Variants in STIM1 observed in about 807,000 individuals in gnomAD.
The protein encoded by STIM1 is stromal interaction molecule 1.
In STIM1, 25 loss-of-function variants were observed where a neutral mutation model predicts 74.7. The observed-to-expected ratio is 0.33, with a 90% CI of 0.24 to 0.47. STIM1 has a LOEUF of 0.47. Among genes scored for constraint, STIM1 ranks in the 20% least tolerant of loss-of-function variants. The pLI, the probability that STIM1 is intolerant of heterozygous loss-of-function variation, is 1.00. For missense variants in STIM1, 728 were observed against 920.8 expected (o/e 0.79, Z 2.71); for synonymous variants, 328 against 348.8 (o/e 0.94, Z 0.66).
At chr11:3,979,607 G>A (rs1395651420) in intron 2 of STIM1, among the ~76,000 whole-genome samples, 1 of 151,990 alleles carries the variant, frequency 6.6e-6, no homozygotes, top group African/African-American at 2.4e-5. Context: ...CACCACACTA[G>A]GCTAACTATT....
intron 3 of STIM1, among the ~76,000 whole-genome samples, chr11:4,042,800 A>G (rs1332908062): frequency 6.6e-6 from 1 of 151,990 alleles, no homozygotes; most frequent in Admixed American, 6.6e-5. Context: ...CTTAATATCT[A>G]CCCCTTTTTG....
intron 2 of STIM1, among the ~76,000 whole-genome samples, chr11:3,984,739 G>A (rs145073164): frequency 1.3e-3 from 198 of 152,294 alleles, no homozygotes; most frequent in African/African-American, 4.1e-3. Flanking sequence ...ACCTTGCAAT[G>A]TACTAAATAT....
intron 1 of STIM1, among the ~76,000 whole-genome samples, chr11:3,958,458 C>G (rs1376486858): frequency 1.3e-5 from 2 of 152,204 alleles, no homozygotes; most frequent in Non-Finnish European, 2.9e-5. Flanking sequence ...AATTCCTGCC[C>G]CCTGCTGAGA....
intron 1 of STIM1, among the ~76,000 whole-genome samples, chr11:3,932,617 G>A (rs182502850): frequency 6.9e-5 from 10 of 145,696 alleles, no homozygotes; most frequent in East Asian, 2.0e-4. Context: ...AGCCGAGATC[G>A]CTCCACTGCA....
intron 1 of STIM1, among the ~76,000 whole-genome samples, chr11:3,897,382 A>T (rs376271542): frequency 2.0e-5 from 3 of 152,308 alleles, no homozygotes; most frequent in South Asian, 4.1e-4. Flanking sequence ...GATGGAGAAG[A>T]TGATGTAATT....
chr11:3,879,825 T>C (rs1216840135), intron 1 of STIM1, among the ~76,000 whole-genome samples: 1 of 152,154 alleles, frequency 6.6e-6, no homozygotes, highest in Admixed American at 6.5e-5. Flanking sequence ...CCTTGTGGGT[T>C]TTTAGGAGGT....
chr11:3,908,635 A>G (rs1247906432), intron 1 of STIM1, among the ~76,000 whole-genome samples: 1 of 147,032 alleles, frequency 6.8e-6, no homozygotes, highest in Non-Finnish European at 1.5e-5. Context: ...GTTATTTGCC[A>G]AGATTGCATG....
chr11:4,015,090 A>T (rs921826747), intron 2 of STIM1, among the ~76,000 whole-genome samples: 129 of 152,182 alleles, frequency 8.5e-4, no homozygotes, highest in Admixed American at 4.5e-3. Flanking sequence ...GATCCTGTCA[A>T]TATGATGCTA....
intron 3 of STIM1, among the ~76,000 whole-genome samples, chr11:4,051,132 C>G (rs773592510): frequency 1.3e-4 from 20 of 151,818 alleles, no homozygotes; most frequent in Non-Finnish European, 2.4e-4. Context: ...ATAAATGGAC[C>G]CAGGAAGTTA....
chr11:4,012,489 G>A (rs1044147063), intron 2 of STIM1, among the ~76,000 whole-genome samples: 1 of 152,106 alleles, frequency 6.6e-6, no homozygotes, highest in Non-Finnish European at 1.5e-5. Flanking sequence ...TGTAGTAATT[G>A]TGAATGGGAG....
chr11:3,895,040 C>T (rs1416279668), intron 1 of STIM1, among the ~76,000 whole-genome samples: 3 of 152,090 alleles, frequency 2.0e-5, no homozygotes, highest in Admixed American at 6.6e-5. Context: ...TGAGCCACCG[C>T]GCCCGGCCGA....
intron 1 of STIM1, chr11:3,868,161 T>G (rs779043961): frequency 2.7e-5 from 4 of 147,658 alleles, no homozygotes; most frequent in African/African-American, 5.1e-5. Flanking sequence ...GTCGAATTTG[T>G]GGAGGTCTTG....
At chr11:3,937,336 G>A (rs1405966634) in intron 1 of STIM1, among the ~76,000 whole-genome samples, 1 of 131,850 alleles carries the variant, frequency 7.6e-6, no homozygotes, top group East Asian at 2.7e-4. Flanking sequence ...TGGAATGAGT[G>A]TGAAATTATC....
Position 4,005,991 on chromosome 11 carries a change from T to C in STIM1, c.271-17882T>C, listed in dbSNP as rs568390555. ...AGAGGTAAATAAGAGTTGGTAAACTTTTCAGATCTGGAACATGTGACTTAT... is the reference window on the plus strand; with the variant it reads ...AGAGGTAAATAAGAGTTGGTAAACTCTTCAGATCTGGAACATGTGACTTAT... On this transcript the variant is annotated intron_variant, in intron 2 of 12. Transcript: ENST00000526596. Among the ~76,000 whole-genome samples, 25 of 152,284 alleles carry C rather than the reference T, an allele frequency of 1.6e-4. 1 individual carries two copies. The highest frequency in any genetic ancestry group is 5.3e-4 in the African/African-American group (22 of 41,558).
chr11:4,067,664 TG>T (rs1470858589), intron 5 of STIM1, among the ~76,000 whole-genome samples: 1 of 152,236 alleles, frequency 6.6e-6, no homozygotes, highest in Non-Finnish European at 1.5e-5. Context: ...CTCAGTTTCT[TG>T]GTCTACAGAA....
chr11:4,015,157 C>T (rs1280457280), intron 2 of STIM1, among the ~76,000 whole-genome samples: 1 of 152,026 alleles, frequency 6.6e-6, no homozygotes, highest in African/African-American at 2.4e-5. Flanking sequence ...ATGGTCTTTA[C>T]AATTTGGCAT....
intron 1 of STIM1, among the ~76,000 whole-genome samples, chr11:3,901,260 C>T (rs2092341596): frequency 6.6e-6 from 1 of 152,052 alleles, no homozygotes; most frequent in Non-Finnish European, 1.5e-5. Flanking sequence ...CAGTAAAAGA[C>T]CTTTGAGATT....
intron 7 of STIM1, among the ~76,000 whole-genome samples, chr11:4,075,298 G>A (rs183765527): frequency 1.3e-5 from 2 of 152,092 alleles, no homozygotes; most frequent in East Asian, 1.9e-4. Context: ...CAGCTGGCAA[G>A]CTTTTGCATA....
intron 2 of STIM1, among the ~76,000 whole-genome samples, chr11:3,968,842 C>T (rs2093364793): frequency 6.6e-6 from 1 of 152,080 alleles, no homozygotes; most frequent in Admixed American, 6.5e-5. Context: ...TACCTTATGC[C>T]AGTCACAGTG....
Sources: gnomAD v4.1 joint callset for allele counts (sites outside exome capture counted in the v4.1 genomes callset) on GRCh38, gnomAD v4.1.1 for gene constraint, MANE v1.5 for transcripts, NCBI Gene and HGNC (gene_info 2026-07-23, HGNC 2026-07-21) for gene names.